Variants in PDE6A observed in about 807,000 individuals in gnomAD.
The protein encoded by PDE6A is phosphodiesterase 6A.
In PDE6A, 84 loss-of-function variants were observed where a neutral mutation model predicts 106.3. The observed-to-expected ratio is 0.79, with a 90% CI of 0.66 to 0.95. The LOEUF is 0.95. Among genes scored for constraint, PDE6A ranks in the 40% least tolerant of loss-of-function variants. The probability of loss-of-function intolerance (pLI) is 0.00; values close to 1 mark genes in which losing one functional copy is unlikely to be tolerated. For synonymous variants in PDE6A, 394 were observed against 386.6 expected, an observed-to-expected ratio of 1.02 and a Z score of -0.23; for missense variants, 1,052 against 1,084.9, an observed-to-expected ratio of 0.97 and a Z score of 0.43.
chr5:149,923,467 C>T (rs1037293215), intron 4 of PDE6A, among the ~76,000 whole-genome samples: 4 of 152,030 alleles, frequency 2.6e-5, no homozygotes, highest in African/African-American at 9.7e-5. Context: ...CACTGCCCTC[C>T]AGCCTGGGTG....
At chr5:149,905,474 A>G (rs764132237) in intron 7 of PDE6A, among the ~76,000 whole-genome samples, 11 of 152,192 alleles carry the variant, frequency 7.2e-5, no homozygotes, top group Non-Finnish European at 1.3e-4. Context: ...TGACCTTGTC[A>G]TCTTACATCC....
intron 5 of PDE6A, among the ~76,000 whole-genome samples, chr5:149,918,728 T>C (rs1278071106): frequency 6.6e-6 from 1 of 152,084 alleles, no homozygotes; most frequent in Non-Finnish European, 1.5e-5. Context: ...CCTCCTATCT[T>C]AGCCTCCCAA....
chr5:149,922,642 T>G (rs1194507704), intron 4 of PDE6A, among the ~76,000 whole-genome samples: 1 of 152,196 alleles, frequency 6.6e-6, no homozygotes, highest in African/African-American at 2.4e-5. Context: ...TGATTTTCTC[T>G]GAGTGATTGG....
At position 149,934,664 on chromosome 5, in the gene PDE6A, T is replaced by C; in HGVS notation, c.529A>G (p.Ile177Val). 6.2e-7 allele frequency: 1 copy of C among 1,613,984 alleles called. No individual in the cohort carries two copies. ...CCATTCATTATGGGGGAAGCCAAGA[T>C]GTTCTTGGTCTTGTACTCTGTGAGG... ...DILTEYKTKN[I>V]LASPIMNGKD... Residue 177 changes from isoleucine to valine, a missense_variant, in exon 2 of 22, where the codon ATC (isoleucine) becomes GTC (valine). Ile to Val is a conservative substitution (Grantham distance 29). Transcript: ENST00000255266.
chr5:149,932,021 C>T (rs1754049042), intron 3 of PDE6A: 4 of 1,500,810 alleles, frequency 2.7e-6, no homozygotes, highest in Middle Eastern at 4.7e-4. Flanking sequence ...AGCGGCAAAA[C>T]CAGAGCCAGC....
At position 149,863,141 on chromosome 5, in the gene PDE6A, C is replaced by T; in HGVS notation, c.2484G>A (p.Gln828=). 6.2e-7 allele frequency: 1 copy of T among 1,614,212 alleles called. No homozygotes were observed. The highest frequency in any genetic ancestry group is 8.5e-7 in the Non-Finnish European group (1 of 1,180,040). ...AACCTGACTTGGCCGACTGCTGTTT[C>T]TGCTTCTTCTCCTCCTGCACCTTCA... is the stretch of plus-strand genomic sequence containing the variant. ...AKMKVQEEKK[Q]KQQSAKSAAA... The change falls in exon 21 of 22, where the codon CAG becomes CAA. Residue 828 remains glutamine (Q), a synonymous_variant. Transcript: ENST00000255266. This position sits in a 1 kb window ranked among gnomAD's most constrained non-coding sequence, Gnocchi z 4.7.
intron 3 of PDE6A, among the ~76,000 whole-genome samples, chr5:149,933,424 C>A (rs1225524222): frequency 6.6e-6 from 1 of 152,218 alleles, no homozygotes; most frequent in Admixed American, 6.5e-5. Flanking sequence ...CATGCCCAGT[C>A]CAATTATCTT....
chr5:149,909,945 T>C (rs1292051264), intron 6 of PDE6A, among the ~76,000 whole-genome samples: 1 of 152,224 alleles, frequency 6.6e-6, no homozygotes, highest in East Asian at 1.9e-4. Context: ...TTAGGTTAAA[T>C]TCATTAATTG....
At chr5:149,925,321 G>A (rs1753838588) in intron 4 of PDE6A, among the ~76,000 whole-genome samples, 1 of 151,858 alleles carries the variant, frequency 6.6e-6, no homozygotes, top group Admixed American at 6.6e-5. Flanking sequence ...GCAGAGAACT[G>A]GAAACTACAA....
In PDE6A at chr5:149,925,706, C is replaced by CAA. The variant is rs36003503; in HGVS notation, c.859-3999_859-3998dup. On this transcript the variant is annotated intron_variant, in intron 4 of 21. Transcript: ENST00000255266. ...TGGGTGACAGAATGAGACTCTGTCT[C>CAA]AAAAAAAAAAAAAAAAAAGAGTTAG... 6.0e-3 allele frequency among the ~76,000 whole-genome samples: 613 copies of CAA among 101,840 alleles called. 16 individuals carry two copies. Among genetic ancestry groups the CAA allele is most frequent in the Admixed American group, 0.031 (285 of 9,224 alleles). The allele number at this position is 101,840 out of a possible 152,430, so 66.8% of individuals were successfully genotyped here. A position where few individuals can be genotyped will look rare whatever the true frequency, so the allele number is the denominator to read the frequency against.
chr5:149,893,046 G>A (rs1044700284), intron 13 of PDE6A, among the ~76,000 whole-genome samples: 9 of 152,156 alleles, frequency 5.9e-5, no homozygotes, highest in Admixed American at 2.0e-4. Flanking sequence ...AAACTCTGAC[G>A]TGACTCAGTA....
chr5:149,906,393 G>A (rs955516433), intron 7 of PDE6A, among the ~76,000 whole-genome samples: 1 of 151,334 alleles, frequency 6.6e-6, no homozygotes, highest in Non-Finnish European at 1.5e-5. Flanking sequence ...GGGTGTGGTG[G>A]TGCATGCCTG....
In PDE6A at chr5:149,861,041, T is replaced by G. The variant is rs1024242804; in HGVS notation, c.2507-70A>C. 13 of 1,428,750 alleles carry G rather than the reference T, an allele frequency of 9.1e-6. No individual in the cohort carries two copies. In the African/African-American group the frequency reaches 1.5e-4, roughly 17 times the overall value. The allele number at this position is 1,428,750 out of a possible 1,614,324, so 88.5% of individuals were successfully genotyped here. ...GCAGTGGGCTTCCCCTTTGACCTAA[T>G]TTGGACCAAGAGTTGCAAACTCAAA... On this transcript the variant is annotated intron_variant, in intron 21 of 21. Transcript: ENST00000255266.
chr5:149,896,185 G>C (rs1459342309), intron 12 of PDE6A, among the ~76,000 whole-genome samples, 171 bp downstream of exon 12: 1 of 152,210 alleles, frequency 6.6e-6, no homozygotes, highest in Non-Finnish European at 1.5e-5. Context: ...CAGAGGAACA[G>C]CGTGTCTCTT....
At chr5:149,875,314 GCTGAGA>G (rs1463639781) in intron 17 of PDE6A, among the ~76,000 whole-genome samples, 1 of 152,116 alleles carries the variant, frequency 6.6e-6, no homozygotes, top group Non-Finnish European at 1.5e-5. Context: ...TGTCAACAGG[GCTGAGA>G]CTGAGAAACG....
intron 1 of PDE6A, among the ~76,000 whole-genome samples, chr5:149,937,843 C>T (rs1051589622): frequency 1.3e-5 from 2 of 152,156 alleles, no homozygotes; most frequent in African/African-American, 4.8e-5. Context: ...CATATATTAT[C>T]TCATTAACTC....
Position 149,895,239 on chromosome 5 carries a change from A to G in PDE6A, c.1672T>C (p.Tyr558His), listed in dbSNP as rs772153983. The G allele has an allele frequency of 3.8e-5, 62 of 1,614,042 alleles. 1 individual carries two copies. The South Asian group carries it at 6.4e-4, about 17-fold the overall frequency. ...TTGAAGCCGTGCCGCCAGTTGTGGT[A>G]GGTGATCTTGCGGTAGCCCTTACTC... is the stretch of plus-strand genomic sequence containing the variant. ...SLSKGYRKIT[Y>H]HNWRHGFNVG... The change falls in exon 13 of 22, where the codon TAC (tyrosine) becomes CAC (histidine). Residue 558 changes from tyrosine (Y) to histidine (H), a missense_variant. Tyr to His is a moderately conservative substitution (Grantham distance 83, BLOSUM62 2). Around this residue, in one of 3 missense-constraint regions of PDE6A, gnomAD observed 913 missense variants for 915.2 expected, o/e 1.00. Coordinates refer to ENST00000255266, the MANE Select transcript of PDE6A (RefSeq NM_000440.3).
chr5:149,866,622 G>T, intron 19 of PDE6A: 1 of 219,870 alleles, frequency 4.5e-6, no homozygotes. Context: ...CAAATCAACT[G>T]AATTCTCTTT....
intron 17 of PDE6A, among the ~76,000 whole-genome samples, chr5:149,872,218 G>C (rs1444662275): frequency 6.6e-6 from 1 of 152,154 alleles, no homozygotes; most frequent in Non-Finnish European, 1.5e-5. Context: ...ATGTCTTTGA[G>C]TCCCAGTCTG....
Sources: gnomAD v4.1 joint callset for allele counts (sites outside exome capture counted in the v4.1 genomes callset) on GRCh38, gnomAD v4.1.1 for gene constraint, gnomAD v4.1.1 regional missense constraint, Gnocchi (gnomAD v3.1) non-coding constraint, MANE v1.5 for transcripts, NCBI Gene and HGNC (gene_info 2026-07-23, HGNC 2026-07-21) for gene names.